Variants in CFAP46 observed in about 807,000 individuals in gnomAD.
The protein encoded by CFAP46 is cilia and flagella associated protein 46.
Under a neutral mutation model 325.7 loss-of-function variants are expected in CFAP46, and 245 were observed. The observed-to-expected ratio is 0.75, with a 90% CI of 0.68 to 0.84. The LOEUF is 0.84. Ranked by LOEUF, CFAP46 falls within the 40% of genes least tolerant of loss-of-function variation. CFAP46 has a pLI of 0.00. For missense variants in CFAP46, 3,346 were observed against 3,543.0 expected, an observed-to-expected ratio of 0.94 and a Z score of 1.41; for synonymous variants, 1,523 against 1,495.9, an observed-to-expected ratio of 1.02 and a Z score of -0.42.
chr10:132,853,690 A>T (rs1253242648), intron 39 of CFAP46, among the ~76,000 whole-genome samples: 1 of 151,584 alleles, frequency 6.6e-6, no homozygotes. Flanking sequence ...TTAAAAATTT[A>T]AAATATATAG....
chr10:132,898,824 C>T, intron 24 of CFAP46, 135 bp downstream of exon 24: 4 of 1,242,868 alleles, frequency 3.2e-6, no homozygotes, highest in South Asian at 1.3e-5. Context: ...ACCCCCTCCC[C>T]TCCTCGGCTG....
intron 39 of CFAP46, among the ~76,000 whole-genome samples, chr10:132,854,644 TG>T (rs1208636005): frequency 2.0e-5 from 3 of 151,750 alleles, no homozygotes; most frequent in Non-Finnish European, 4.4e-5. Context: ...GCCAGCTTTC[TG>T]GTTTTTTTTA....
intron 57 of CFAP46, among the ~76,000 whole-genome samples, chr10:132,809,994 C>T (rs888448235): frequency 2.0e-5 from 3 of 152,230 alleles, no homozygotes; most frequent in Non-Finnish European, 4.4e-5. Context: ...CACTGTGGTG[C>T]AAGCTGTCGG....
chr10:132,813,484 CACACCTGCCCCTGCACACACCTGT>C (rs1455100541), intron 54 of CFAP46, among the ~76,000 whole-genome samples: 4 of 146,552 alleles, frequency 2.7e-5, no homozygotes, highest in Non-Finnish European at 6.0e-5. Context: ...ACCCTCTGCA[CACACCTGCCCCTGCACACACCTGT>C]CCCTGCACAC....
intron 13 of CFAP46, among the ~76,000 whole-genome samples, chr10:132,921,252 C>T (rs553728836): frequency 3.2e-3 from 489 of 152,308 alleles, no homozygotes; most frequent in Middle Eastern, 0.01. Context: ...TGGCAGCAGC[C>T]CCCAGCAGGA....
At position 132,859,260 on chromosome 10, in the gene CFAP46, C is replaced by T. The variant is rs1205921728; in HGVS notation, c.5199-13G>A. ...CAGGCTCAGGCACCTGACGGAGGGA[C>T]GGTTTGGGGCCTGGAGTCAGAAGCC... On this transcript the variant is annotated splice_polypyrimidine_tract_variant and intron_variant, in intron 37 of 57. Transcript: ENST00000368586. 5 of 1,542,906 alleles carry T rather than the reference C, an allele frequency of 3.2e-6. No individual in the cohort carries two copies. The South Asian group carries it at 3.6e-5, about 11-fold the overall frequency.
chr10:132,869,282 C>G lies in CFAP46; in HGVS notation c.4602G>C (p.Glu1534Asp), dbSNP rs919236770. ...AVGQVCVSEL[E>D]QASCRKEIAL... ...GGTGGGACGGCACACACCTGGCCTG[C>G]TCCAGCTCGCTGACGCACACCTGCC... Residue 1534 changes from glutamate to aspartate, a missense_variant, in exon 33 of 58, where the codon GAG (glutamate) becomes GAC (aspartate). Transcript: ENST00000368586. The surrounding 1 kb of genome is among the most constrained non-coding windows in gnomAD (Gnocchi z 6.2). 1.3e-6 allele frequency: 2 copies of G among 1,535,982 alleles called. No homozygotes were observed. Among genetic ancestry groups the G allele is most frequent in the African/African-American group, 2.8e-5 (2 of 72,640 alleles).
chr10:132,861,910 G>A (rs1848726632), intron 35 of CFAP46, among the ~76,000 whole-genome samples: 1 of 152,220 alleles, frequency 6.6e-6, no homozygotes, highest in Admixed American at 6.5e-5. Flanking sequence ...AGGTGTCCCA[G>A]CTGCTGAGGG....
Position 132,899,517 on chromosome 10 carries a change from C to G in CFAP46, c.3056+18G>C, listed in dbSNP as rs1055316720. 1 of 1,537,954 alleles carries G rather than the reference C, an allele frequency of 6.5e-7. No homozygotes were observed. The highest frequency in any genetic ancestry group is 1.2e-5 in the South Asian group (1 of 81,820). On this transcript the variant is annotated intron_variant, in intron 23 of 57. Coordinates refer to ENST00000368586, the MANE Select transcript of CFAP46 (RefSeq NM_001200049.3). ...CGGGGAGGGACAGAGCCCACCCCAG[C>G]CCCTTAGAGCCACACACCTGGCGCT...
Position 132,808,828 on chromosome 10 carries a change from C to CAA in CFAP46, c.7739_7740dup (p.Gly2581LeufsTer13). The CAA allele has an allele frequency of 6.2e-7, 1 of 1,607,676 alleles. No individual in the cohort carries two copies. Among genetic ancestry groups the CAA allele is most frequent in the Non-Finnish European group, 8.5e-7 (1 of 1,176,226 alleles). On this transcript the variant is annotated frameshift_variant, in exon 58 of 58. Coordinates refer to ENST00000368586, the MANE Select transcript of CFAP46 (RefSeq NM_001200049.3). LOFTEE classifies it low-confidence loss of function (END_TRUNC). This position sits in a 1 kb window ranked among gnomAD's most constrained non-coding sequence, Gnocchi z 6.8. Reference sequence around the variant, plus strand: ...CTTGGTGCGGCAGCCCATACAGGACCAAGTTGAGCGTGGTGGGAAGGAGCT... The same window carrying CAA: ...CTTGGTGCGGCAGCCCATACAGGACCAAAAGTTGAGCGTGGTGGGAAGGAGCT...
chr10:132,910,419 C>CTTG (rs1849524492), intron 19 of CFAP46, among the ~76,000 whole-genome samples: 1 of 152,240 alleles, frequency 6.6e-6, no homozygotes, highest in South Asian at 2.1e-4. Flanking sequence ...AGGACGGAGC[C>CTTG]CCGAAAGTGG....
intron 33 of CFAP46, among the ~76,000 whole-genome samples, chr10:132,868,445 C>T (rs1369618465): frequency 6.6e-6 from 1 of 152,222 alleles, no homozygotes; most frequent in African/African-American, 2.4e-5. Flanking sequence ...AATGTTCAGC[C>T]GGGCTGCACA....
intron 50 of CFAP46, among the ~76,000 whole-genome samples, chr10:132,815,440 G>A (rs1181889445): frequency 6.6e-6 from 1 of 152,246 alleles, no homozygotes; most frequent in East Asian, 1.9e-4. Flanking sequence ...CGCCTTCAAA[G>A]AGGCTGCTTC....
At chr10:132,835,975 C>T (rs1197478622) in intron 46 of CFAP46, among the ~76,000 whole-genome samples, 167 bp downstream of exon 46, 3 of 82,774 alleles carry the variant, frequency 3.6e-5, no homozygotes, top group Non-Finnish European at 7.4e-5. Flanking sequence ...CACTTCCCGT[C>T]CCCGCTCCCC....
chr10:132,844,963 C>G (rs1244398142), intron 44 of CFAP46, among the ~76,000 whole-genome samples: 1 of 152,176 alleles, frequency 6.6e-6, no homozygotes, highest in Non-Finnish European at 1.5e-5. Flanking sequence ...AAGTGATCCT[C>G]CTGCCTCAGG....
intron 50 of CFAP46, among the ~76,000 whole-genome samples, chr10:132,818,821 T>G (rs1203119254): frequency 6.7e-6 from 1 of 148,780 alleles, no homozygotes; most frequent in Non-Finnish European, 1.5e-5. Flanking sequence ...GCCACTGCAC[T>G]CTAGCCTGGG....
intron 8 of CFAP46, among the ~76,000 whole-genome samples, chr10:132,931,303 TC>T (rs1174926548): frequency 2.3e-5 from 2 of 88,418 alleles, no homozygotes. Context: ...GCCTGGGCCT[TC>T]CCCACACTCC....
At position 132,880,632 on chromosome 10, in the gene CFAP46, GGCCCCTGC is replaced by G. The variant is rs1849025253; in HGVS notation, c.3799+221_3799+228del. ...GTGGCAGTCAGGCTGAGTCCCTCAGGGCCCCTGCAGAGGACAGCACTGAGACACGTCAG... is the reference window on the plus strand; with the variant it reads ...GTGGCAGTCAGGCTGAGTCCCTCAGGAGAGGACAGCACTGAGACACGTCAG... On this transcript the variant is annotated intron_variant, in intron 28 of 57. Transcript: ENST00000368586. Among the ~76,000 whole-genome samples the G allele has an allele frequency of 9.9e-5, 6 of 60,380 alleles. No individual in the cohort carries two copies. The Admixed American group carries it at 1.2e-3, about 12-fold the overall frequency. The allele number at this position is 60,380 out of a possible 152,430, so 39.6% of individuals were successfully genotyped here. A position where few individuals can be genotyped will look rare whatever the true frequency, so the allele number is the denominator to read the frequency against.
chr10:132,919,351 C>T lies in CFAP46; in HGVS notation c.1822G>A (p.Asp608Asn). 1 of 1,550,180 alleles carries T rather than the reference C, an allele frequency of 6.5e-7. No individual in the cohort carries two copies. Among genetic ancestry groups the T allele is most frequent in the Non-Finnish European group, 8.7e-7 (1 of 1,146,898 alleles). Residue 608 changes from aspartate to asparagine, a missense_variant, in exon 15 of 58, where the codon GAC (aspartate) becomes AAC (asparagine). Coordinates refer to ENST00000368586, the MANE Select transcript of CFAP46 (RefSeq NM_001200049.3). The surrounding 1 kb of genome is among the most constrained non-coding windows in gnomAD (Gnocchi z 9.7). ...CTCAACTTCTTCACCTTGACGTTGTCATACAGGAGGCAGAAGCGGCTCGCC... is the reference window on the plus strand; with the variant it reads ...CTCAACTTCTTCACCTTGACGTTGTTATACAGGAGGCAGAAGCGGCTCGCC... ...RTASRFCLLYDNVKVKKLRLR... is the reference protein window; with the variant it reads ...RTASRFCLLYNNVKVKKLRLR...
Sources: allele counts gnomAD v4.1 joint callset (sites outside exome capture counted in the v4.1 genomes callset), GRCh38; gene constraint gnomAD v4.1.1; non-coding constraint Gnocchi (gnomAD v3.1); transcripts MANE v1.5; gene names NCBI Gene and HGNC (gene_info 2026-07-23, HGNC 2026-07-21).